Variants in SEC63 observed in about 807,000 individuals in gnomAD.
SEC63 encodes the protein SEC63 protein translocation regulator.
In SEC63, 56 loss-of-function variants were observed where a neutral mutation model predicts 116.2. The ratio of observed to expected loss-of-function variants is 0.48; its 90% CI spans 0.39 to 0.60. SEC63 has a LOEUF of 0.60. Among genes scored for constraint, SEC63 ranks in the 20% least tolerant of loss-of-function variants. The pLI is 0.00. For missense variants in SEC63, 668 were observed against 900.0 expected, an observed-to-expected ratio of 0.74 and a Z score of 3.30; for synonymous variants, 273 against 294.6, an observed-to-expected ratio of 0.93 and a Z score of 0.75.
chr6:107,921,845 T>C lies in SEC63; in HGVS notation c.404A>G (p.Lys135Arg), dbSNP rs1233281140. Reference protein sequence around the residue: ...RLLSLKYHPDKGGDEVMFMRI... With the variant: ...RLLSLKYHPDRGGDEVMFMRI... ...CATGAACATAACCTCATCACCTCCT[T>C]TATCTGGATGATATTTAAGTGACAG... Residue 135 changes from lysine to arginine, a missense_variant, in exon 4 of 21, where the codon AAA becomes AGA. Physicochemically the swap from Lys to Arg is conservative, Grantham distance 26 (BLOSUM62 2). This residue lies in a region of SEC63 where 142 missense variants were observed against 169.5 expected (regional missense o/e 0.84). Transcript: ENST00000369002. 1 of 1,613,028 alleles carries C rather than the reference T, an allele frequency of 6.2e-7. No individual in the cohort carries two copies. The highest frequency in any genetic ancestry group is 1.1e-5 in the South Asian group (1 of 91,056).
At chr6:107,891,662 C>T (rs1786685652) in intron 16 of SEC63, among the ~76,000 whole-genome samples, 1 of 152,146 alleles carries the variant, frequency 6.6e-6, no homozygotes, top group Non-Finnish European at 1.5e-5. Context: ...AATTTTCAGC[C>T]TTTTTGGGCT....
At chr6:107,892,987 G>A (rs1786718629) in intron 16 of SEC63, among the ~76,000 whole-genome samples, 2 of 152,046 alleles carry the variant, frequency 1.3e-5, no homozygotes, top group Admixed American at 1.3e-4. Flanking sequence ...CCCACAAAAT[G>A]CCATGTATAA....
At chr6:107,937,121 A>C (rs1357116506) in intron 1 of SEC63, among the ~76,000 whole-genome samples, 3 of 47,092 alleles carry the variant, frequency 6.4e-5, no homozygotes, top group African/African-American at 2.6e-4. Context: ...TATATGTACC[A>C]CATTTTTTTT....
chr6:107,884,496 T>C (rs1410376476), intron 16 of SEC63, among the ~76,000 whole-genome samples: 2 of 152,008 alleles, frequency 1.3e-5, no homozygotes, highest in East Asian at 3.8e-4. Flanking sequence ...ACAAACTCCT[T>C]GAAAAACATA....
At chr6:107,950,775 C>G (rs1770565676) in intron 1 of SEC63, among the ~76,000 whole-genome samples, 1 of 152,060 alleles carries the variant, frequency 6.6e-6, no homozygotes, top group African/African-American at 2.4e-5. Context: ...GAAGATCAAG[C>G]CCCAAAAGTA....
chr6:107,874,156 A>G (rs1007790433), intron 19 of SEC63, among the ~76,000 whole-genome samples: 1 of 152,216 alleles, frequency 6.6e-6, no homozygotes, highest in African/African-American at 2.4e-5. Flanking sequence ...TTCTGACCTA[A>G]GAACTACATC....
At chr6:107,956,071 G>T in intron 1 of SEC63, 1 of 362,990 alleles carries the variant, frequency 2.8e-6, no homozygotes. Context: ...CTTGAAGCAA[G>T]TTCAAGACCA....
chr6:107,901,349 A>G (rs760118925), intron 13 of SEC63, 21 bp downstream of exon 13: 6 of 1,610,664 alleles, frequency 3.7e-6, no homozygotes, highest in South Asian at 1.1e-5. Flanking sequence ...GCAATGCTCA[A>G]CAGAGAAACC....
chr6:107,934,655 G>A (rs1300986202), intron 1 of SEC63, among the ~76,000 whole-genome samples: 4 of 129,588 alleles, frequency 3.1e-5, no homozygotes, highest in Admixed American at 7.6e-5. Flanking sequence ...CAGCCACCCC[G>A]TCCAGGAGGG....
chr6:107,893,332 T>C (rs1583734346), intron 16 of SEC63, 150 bp downstream of exon 16: 1 of 692,796 alleles, frequency 1.4e-6, no homozygotes, highest in East Asian at 2.7e-5. Flanking sequence ...GATGAAGGGC[T>C]CACTGACTGA....
chr6:107,887,708 C>T (rs1388048294), intron 16 of SEC63, among the ~76,000 whole-genome samples: 2 of 151,648 alleles, frequency 1.3e-5, no homozygotes, highest in Non-Finnish European at 2.9e-5. Context: ...TGTAACTAAC[C>T]CGCACAATGT....
chr6:107,923,110 A>C (rs1787595629), intron 3 of SEC63, among the ~76,000 whole-genome samples: 2 of 152,190 alleles, frequency 1.3e-5, no homozygotes, highest in Admixed American at 1.3e-4. Flanking sequence ...GATGATCTCT[A>C]TCATTAATTT....
At position 107,883,133 on chromosome 6, in the gene SEC63, T is replaced by C; in HGVS notation, c.1688A>G (p.Lys563Arg). 1 of 1,612,312 alleles carries C rather than the reference T, an allele frequency of 6.2e-7. No individual in the cohort carries two copies. Among genetic ancestry groups the C allele is most frequent in the Non-Finnish European group, 8.5e-7 (1 of 1,179,552 alleles). Residue 563 changes from lysine (K) to arginine (R), a missense_variant, in exon 17 of 21, where the codon AAG becomes AGG. Coordinates refer to ENST00000369002, the MANE Select transcript of SEC63 (RefSeq NM_007214.5). ...ATCTGAAACTTCTTCTTCATCTTCC[T>C]TTACTGCAGCTTCCTAAAAGGGAAA... ...NGVVGNEAAV[K>R]EDEEEVSDKG...
At chr6:107,934,982 G>A (rs1770171789) in intron 1 of SEC63, among the ~76,000 whole-genome samples, 1 of 119,162 alleles carries the variant, frequency 8.4e-6, no homozygotes, top group African/African-American at 3.4e-5. Flanking sequence ...GCCCCGTCCG[G>A]CAGGGAGGTG....
intron 1 of SEC63, among the ~76,000 whole-genome samples, chr6:107,944,638 AGTGAGCC>A (rs1333804272): frequency 6.6e-6 from 1 of 152,130 alleles, no homozygotes; most frequent in Non-Finnish European, 1.5e-5. Flanking sequence ...TGGCGGTTGC[AGTGAGCC>A]GCGATCACAC....
At chr6:107,927,826 T>C (rs759401068) in intron 2 of SEC63, among the ~76,000 whole-genome samples, 1 of 152,214 alleles carries the variant, frequency 6.6e-6, no homozygotes, top group South Asian at 2.1e-4. Context: ...CCATGCACAT[T>C]AGATCATCTC....
intron 16 of SEC63, among the ~76,000 whole-genome samples, chr6:107,890,081 T>C (rs990131264): frequency 6.6e-6 from 1 of 152,216 alleles, no homozygotes; most frequent in Non-Finnish European, 1.5e-5. Flanking sequence ...GAGAGTTCTG[T>C]AGATGTCTAT....
intron 19 of SEC63, among the ~76,000 whole-genome samples, chr6:107,874,400 A>G (rs186039158): frequency 1.3e-5 from 2 of 152,006 alleles, no homozygotes; most frequent in South Asian, 4.1e-4. Context: ...TGAGACCATC[A>G]TGGCTAACAC....
rs190498345 is a variant in SEC63 at position 107,936,986 on chromosome 6, C to G, written c.125-7472G>C. On this transcript the variant is annotated intron_variant, in intron 1 of 20. Transcript: ENST00000369002. ...CAATGTTTAGCTCCCACTTATAAGTCAGAACATGCAGTATTTGGTTTTCTG... is the reference window on the plus strand; with the variant it reads ...CAATGTTTAGCTCCCACTTATAAGTGAGAACATGCAGTATTTGGTTTTCTG... Among the ~76,000 whole-genome samples the G allele has an allele frequency of 9.1e-4, 138 of 152,252 alleles. 1 individual carries two copies. Among genetic ancestry groups the G allele is most frequent in the African/African-American group, 3.3e-3 (138 of 41,544 alleles).
Sources: allele counts gnomAD v4.1 joint callset (sites outside exome capture counted in the v4.1 genomes callset), GRCh38; gene constraint gnomAD v4.1.1; regional missense constraint gnomAD v4.1.1; transcripts MANE v1.5; gene names NCBI Gene and HGNC (gene_info 2026-07-23, HGNC 2026-07-21).